Variants in NCAM2 observed in about 807,000 individuals in gnomAD.
The protein encoded by NCAM2 is neural cell adhesion molecule 2.
NCAM2 carries 30 observed loss-of-function variants against 98.1 expected under a neutral mutation model. That is an observed-to-expected ratio of 0.31 (90% CI 0.23 to 0.41). NCAM2 has a LOEUF of 0.41. Ranked by LOEUF, NCAM2 falls within the 10% of genes least tolerant of loss-of-function variation. The probability of loss-of-function intolerance (pLI) is 1.00; values close to 1 mark genes in which losing one functional copy is unlikely to be tolerated. For missense variants in NCAM2, 867 were observed against 1,005.8 expected (o/e 0.86, Z 1.87); for synonymous variants, 368 against 342.4 (o/e 1.07, Z -0.83).
rs73894678 is a variant in NCAM2 at position 21,409,258 on chromosome 21, G to T, written c.1196-1016G>T. On this transcript the variant is annotated intron_variant, in intron 9 of 17. Coordinates refer to ENST00000400546, the MANE Select transcript of NCAM2 (RefSeq NM_004540.5). ...GGAAGAGTGAAAACAACATTTGTAT[G>T]TTTTCACATTTAGATTTTTAAATAA... 2.2e-3 allele frequency among the ~76,000 whole-genome samples: 333 copies of T among 152,138 alleles called. 1 individual carries two copies. The highest frequency in any genetic ancestry group is 7.5e-3 in the African/African-American group (313 of 41,540).
At chr21:21,390,722 T>C (rs1033074782) in intron 9 of NCAM2, among the ~76,000 whole-genome samples, 1 of 152,172 alleles carries the variant, frequency 6.6e-6, no homozygotes, top group Non-Finnish European at 1.5e-5. Flanking sequence ...TAAAAACAAC[T>C]CGACTGTATT....
At chr21:21,186,442 A>C (rs2068643140) in intron 1 of NCAM2, among the ~76,000 whole-genome samples, 1 of 152,148 alleles carries the variant, frequency 6.6e-6, no homozygotes, top group Non-Finnish European at 1.5e-5. Flanking sequence ...TTTTGGGAAT[A>C]ATTTTATTTT....
intron 10 of NCAM2, among the ~76,000 whole-genome samples, chr21:21,418,015 T>C (rs1736782440): frequency 6.6e-6 from 1 of 151,948 alleles, no homozygotes; most frequent in Non-Finnish European, 1.5e-5. Context: ...GGCCAAAACA[T>C]AAAAAACAGT....
At chr21:21,077,863 A>G (rs1046803813) in intron 1 of NCAM2, among the ~76,000 whole-genome samples, 1 of 152,124 alleles carries the variant, frequency 6.6e-6, no homozygotes, top group African/African-American at 2.4e-5. Context: ...TCTCAGGGAA[A>G]AAATTGATAT....
At chr21:21,156,884 A>C (rs1468086465) in intron 1 of NCAM2, among the ~76,000 whole-genome samples, 1 of 152,112 alleles carries the variant, frequency 6.6e-6, no homozygotes, top group Non-Finnish European at 1.5e-5. Flanking sequence ...ATGTGTTCTA[A>C]TAAAGGCTTA....
intron 12 of NCAM2, among the ~76,000 whole-genome samples, chr21:21,449,836 A>G (rs1381143796): frequency 6.6e-6 from 1 of 151,990 alleles, no homozygotes; most frequent in South Asian, 2.1e-4. Context: ...ACATGTACAG[A>G]TATGATTTCA....
At chr21:21,296,952 A>G (rs951166544) in intron 5 of NCAM2, among the ~76,000 whole-genome samples, 4 of 151,694 alleles carry the variant, frequency 2.6e-5, no homozygotes, top group South Asian at 2.1e-4. Context: ...GATACTGCTT[A>G]TGTTCTCTGT....
At chr21:21,229,447 A>G (rs1194049865) in intron 1 of NCAM2, among the ~76,000 whole-genome samples, 4 of 151,502 alleles carry the variant, frequency 2.6e-5, no homozygotes, top group Admixed American at 6.6e-5. Flanking sequence ...ATTAATAAAT[A>G]CTTTCTATTG....
At chr21:21,515,861 A>G (rs1200068871) in intron 16 of NCAM2, among the ~76,000 whole-genome samples, 5 of 152,158 alleles carry the variant, frequency 3.3e-5, no homozygotes, top group Admixed American at 6.6e-5. Context: ...TTTATCATTT[A>G]TAACTGAAGA....
chr21:21,503,318 T>G (rs531686069), intron 15 of NCAM2, among the ~76,000 whole-genome samples: 2 of 152,036 alleles, frequency 1.3e-5, no homozygotes, highest in East Asian at 3.9e-4. Flanking sequence ...GCTAATCTTG[T>G]GTATAAGGGC....
chr21:21,405,407 G>A (rs1383337922), intron 9 of NCAM2, among the ~76,000 whole-genome samples: 1 of 152,052 alleles, frequency 6.6e-6, no homozygotes, highest in African/African-American at 2.4e-5. Flanking sequence ...TGTCCTAATT[G>A]AAAGTTGATT....
chr21:21,048,821 CAG>C (rs1263886082), intron 1 of NCAM2, among the ~76,000 whole-genome samples: 2 of 152,122 alleles, frequency 1.3e-5, no homozygotes, highest in Non-Finnish European at 2.9e-5. Context: ...AAATATTTTA[CAG>C]AGTTTGACTC....
chr21:21,074,125 G>A (rs1216459485), intron 1 of NCAM2, among the ~76,000 whole-genome samples: 4 of 152,028 alleles, frequency 2.6e-5, no homozygotes, highest in Non-Finnish European at 4.4e-5. Flanking sequence ...AATTGTCACT[G>A]TGAAAATCAC....
intron 6 of NCAM2, 128 bp downstream of exon 6, chr21:21,324,628 G>C: frequency 1.4e-6 from 1 of 693,704 alleles, no homozygotes; most frequent in East Asian, 2.5e-5. Flanking sequence ...AAAAATCCTG[G>C]TGCTATCTTT....
intron 16 of NCAM2, among the ~76,000 whole-genome samples, chr21:21,524,631 A>G (rs1450687145): frequency 2.6e-5 from 4 of 152,040 alleles, no homozygotes; most frequent in Non-Finnish European, 5.9e-5. Flanking sequence ...TAAAATCAGT[A>G]AGGACGTTGC....
intron 8 of NCAM2, among the ~76,000 whole-genome samples, chr21:21,359,653 G>A (rs1225104298): frequency 1.3e-5 from 2 of 151,806 alleles, no homozygotes; most frequent in Non-Finnish European, 2.9e-5. Flanking sequence ...TATACTAAAA[G>A]TGATTTTAAT....
intron 5 of NCAM2, among the ~76,000 whole-genome samples, chr21:21,305,363 TAA>T (rs1420511160): frequency 6.6e-6 from 1 of 152,018 alleles, no homozygotes; most frequent in East Asian, 1.9e-4. Flanking sequence ...TCACTATGAA[TAA>T]AGACACTTTT....
intron 10 of NCAM2, among the ~76,000 whole-genome samples, chr21:21,412,364 C>T (rs2076904271): frequency 6.6e-6 from 1 of 152,192 alleles, no homozygotes; most frequent in Admixed American, 6.5e-5. Flanking sequence ...CAAATTCATT[C>T]ACACCGGAAT....
chr21:21,322,257 C>T (rs1475842041), intron 5 of NCAM2, among the ~76,000 whole-genome samples: 1 of 152,020 alleles, frequency 6.6e-6, no homozygotes, highest in Non-Finnish European at 1.5e-5. Flanking sequence ...ACATTGAATG[C>T]CCATGGACAT....
Sources: gnomAD v4.1 joint callset for allele counts (sites outside exome capture counted in the v4.1 genomes callset) on GRCh38, gnomAD v4.1.1 for gene constraint, MANE v1.5 for transcripts, NCBI Gene and HGNC (gene_info 2026-07-23, HGNC 2026-07-21) for gene names.